Variants in TMEM255B observed in about 807,000 individuals in gnomAD.
TMEM255B encodes the protein transmembrane protein 255B, also known as family with sequence similarity 70, member B.
A neutral mutation model predicts 34.5 loss-of-function variants in TMEM255B; 35 were observed. The ratio of observed to expected loss-of-function variants is 1.01; its 90% CI spans 0.77 to 1.34. TMEM255B has a LOEUF of 1.34. TMEM255B is among the 40% of genes most tolerant of loss of function. The pLI is 0.00. For synonymous variants in TMEM255B, 206 were observed against 201.2 expected, an observed-to-expected ratio of 1.02 and a Z score of -0.20; for missense variants, 432 against 433.2, an observed-to-expected ratio of 1.00 and a Z score of 0.02.
chr13:113,799,030 G>A (rs2050994040), intron 4 of TMEM255B, among the ~76,000 whole-genome samples: 2 of 152,196 alleles, frequency 1.3e-5, no homozygotes, highest in African/African-American at 4.8e-5. Context: ...GGGGTGGTAG[G>A]GATGCCCCTC....
intron 1 of TMEM255B, among the ~76,000 whole-genome samples, chr13:113,761,513 T>C (rs1279003795): frequency 6.6e-6 from 1 of 152,106 alleles, no homozygotes. Context: ...TGGGGAAGAC[T>C]AGAATTAGAA....
rs1187651238 is a variant in TMEM255B, at chr13:113,813,152, C to T, written c.*1249C>T. 1 of 139,298 alleles carries T rather than the reference C, an allele frequency of 7.2e-6. No homozygotes were observed. The highest frequency in any genetic ancestry group is 2.7e-5 in the African/African-American group (1 of 37,344). The allele number at this position is 139,298 out of a possible 1,614,324, so 8.6% of individuals were successfully genotyped here. ...TCCTGAAGTCAGATCCTCAGGGAAC[C>T]AGGGACTCCCAGGGCGGGAGGGCGG... is the stretch of plus-strand genomic sequence containing the variant. On this transcript the variant is annotated 3_prime_UTR_variant, in exon 9 of 9. Transcript: ENST00000375353.
chr13:113,782,602 C>T (rs903312583), intron 3 of TMEM255B, among the ~76,000 whole-genome samples: 2 of 150,706 alleles, frequency 1.3e-5, no homozygotes, highest in Non-Finnish European at 2.9e-5. Flanking sequence ...GACATGGGGG[C>T]GCAGGATCCG....
At chr13:113,794,814 C>T (rs1280638791) in intron 3 of TMEM255B, among the ~76,000 whole-genome samples, 2 of 152,242 alleles carry the variant, frequency 1.3e-5, no homozygotes, top group African/African-American at 4.8e-5. Context: ...CAAGCATGCA[C>T]ATGTGTGTGC....
At chr13:113,793,185 T>A (rs1326812963) in intron 3 of TMEM255B, among the ~76,000 whole-genome samples, 4 of 152,204 alleles carry the variant, frequency 2.6e-5, no homozygotes, top group Admixed American at 2.6e-4. Context: ...TGTGCTGCCC[T>A]TGGGTCTGGT....
intron 2 of TMEM255B, chr13:113,768,265 G>A (rs1210212637): frequency 2.6e-5 from 12 of 467,886 alleles, no homozygotes; most frequent in Admixed American, 9.4e-5. Flanking sequence ...CCAGATTTTC[G>A]GTGGGTGTTG....
chr13:113,808,275 T>C (rs550819730), intron 8 of TMEM255B, among the ~76,000 whole-genome samples: 1 of 152,214 alleles, frequency 6.6e-6, no homozygotes, highest in Admixed American at 6.5e-5. Flanking sequence ...TTTAAAGAGA[T>C]CACCTTCCTT....
chr13:113,799,547 A>G (rs2051004101), intron 5 of TMEM255B, 128 bp downstream of exon 5: 3 of 848,110 alleles, frequency 3.5e-6, no homozygotes, highest in Admixed American at 2.3e-5. Context: ...TCACCCCTGC[A>G]GCTGGTGAAC....
chr13:113,805,452 C>A (rs923106796), intron 8 of TMEM255B, among the ~76,000 whole-genome samples: 2 of 152,188 alleles, frequency 1.3e-5, no homozygotes, highest in Admixed American at 6.5e-5. Flanking sequence ...TAGGGTTCAT[C>A]CTGACATGAT....
intron 4 of TMEM255B, among the ~76,000 whole-genome samples, chr13:113,796,729 T>C (rs1329444514): frequency 1.3e-5 from 2 of 152,268 alleles, no homozygotes; most frequent in East Asian, 3.8e-4. Flanking sequence ...GGGCGTCAGC[T>C]GGTCCCCGGG....
intron 7 of TMEM255B, 69 bp downstream of exon 7, chr13:113,801,881 G>A: frequency 2.7e-6 from 4 of 1,460,024 alleles, no homozygotes; most frequent in Non-Finnish European, 3.7e-6. Flanking sequence ...TCCCCGGGGT[G>A]GGCTGGGGGG....
chr13:113,789,457 G>A (rs2050793004), intron 3 of TMEM255B, among the ~76,000 whole-genome samples: 1 of 152,220 alleles, frequency 6.6e-6, no homozygotes, highest in South Asian at 2.1e-4. Flanking sequence ...ATCTGAACAA[G>A]AGTTAACAAT....
At chr13:113,798,461 AATGGATGGATG>A (rs1466100662) in intron 4 of TMEM255B, among the ~76,000 whole-genome samples, 5 of 139,030 alleles carry the variant, frequency 3.6e-5, no homozygotes, top group Non-Finnish European at 7.7e-5. Context: ...AAGGATGGAT[AATGGATGGATG>A]ATGGATGGAT....
At chr13:113,763,855 TAC>T (rs2050346398) in intron 1 of TMEM255B, among the ~76,000 whole-genome samples, 1 of 152,182 alleles carries the variant, frequency 6.6e-6, no homozygotes, top group Non-Finnish European at 1.5e-5. Context: ...AGTTCAGAAA[TAC>T]CATGAGAGAC....
At chr13:113,763,516 A>G (rs986480305) in intron 1 of TMEM255B, among the ~76,000 whole-genome samples, 2 of 152,186 alleles carry the variant, frequency 1.3e-5, no homozygotes, top group Non-Finnish European at 2.9e-5. Flanking sequence ...ATAACCTTTC[A>G]GGTTTTTAAC....
intron 2 of TMEM255B, among the ~76,000 whole-genome samples, chr13:113,766,994 CT>C (rs2050403018): frequency 6.6e-6 from 1 of 152,244 alleles, no homozygotes; most frequent in Admixed American, 6.5e-5. Context: ...CAGTGAACCT[CT>C]GTTGGAATGG....
chr13:113,799,864 C>T lies in TMEM255B; in HGVS notation c.423+445C>T, dbSNP rs765385456. ...ATGACCCGCGGGCGGCCGCCGCCTTCGCCAGGACCGTCGGAGGGCACAGCT... is the reference window on the plus strand; with the variant it reads ...ATGACCCGCGGGCGGCCGCCGCCTTTGCCAGGACCGTCGGAGGGCACAGCT... On this transcript the variant is annotated intron_variant, in intron 5 of 8. Transcript: ENST00000375353. The T allele has an allele frequency of 3.2e-5, 30 of 944,112 alleles. 1 individual carries two copies. Among genetic ancestry groups the T allele is most frequent in the South Asian group, 1.8e-4 (13 of 73,458 alleles). 58.5% of individuals were successfully genotyped at this position (944,112 alleles called of 1,614,324 possible).
chr13:113,799,539 A>C (rs1594157651), intron 5 of TMEM255B, 120 bp downstream of exon 5: 1 of 917,826 alleles, frequency 1.1e-6, no homozygotes, highest in Non-Finnish European at 1.7e-6. Flanking sequence ...CCTGGGGGTC[A>C]CCCCTGCAGC....
intron 3 of TMEM255B, among the ~76,000 whole-genome samples, chr13:113,779,556 C>A (rs183167692): frequency 3.4e-5 from 5 of 146,276 alleles, no homozygotes; most frequent in South Asian, 2.3e-4. Context: ...TGTTTTGGGG[C>A]CATAGAGGGA....
Sources: allele counts gnomAD v4.1 joint callset (sites outside exome capture counted in the v4.1 genomes callset), GRCh38; gene constraint gnomAD v4.1.1; transcripts MANE v1.5; gene names NCBI Gene and HGNC (gene_info 2026-07-23, HGNC 2026-07-21).